SLX9: variants seen among roughly 807,000 people sequenced by gnomAD.
SLX9 encodes SLX9 ribosome biogenesis factor.
Under a neutral mutation model 20.8 loss-of-function variants are expected in SLX9, and 19 were observed. The observed-to-expected ratio is 0.91, with a 90% CI of 0.64 to 1.34. The LOEUF is 1.34. Among genes scored for constraint, SLX9 ranks in the 40% most tolerant of loss-of-function variants. The pLI is 0.00. For synonymous variants in SLX9, 113 were observed against 137.1 expected (o/e 0.82, Z 1.23); for missense variants, 299 against 322.2 (o/e 0.93, Z 0.55).
At chr21:44,967,385 T>G (rs909796678) in intron 4 of SLX9, among the ~76,000 whole-genome samples, 4 of 152,160 alleles carry the variant, frequency 2.6e-5, no homozygotes, top group African/African-American at 9.7e-5. Flanking sequence ...GGGGGACGTT[T>G]CGGGGGCACC....
At chr21:44,947,361 A>G (rs911598399) in intron 2 of SLX9, among the ~76,000 whole-genome samples, 3 of 152,186 alleles carry the variant, frequency 2.0e-5, no homozygotes, top group Non-Finnish European at 4.4e-5. Flanking sequence ...TGCCTGAGTC[A>G]GGAATAGCAC....
upstream of SLX9, chr21:44,939,924 C>T: frequency 1.0e-6 from 1 of 962,978 alleles, no homozygotes; most frequent in Non-Finnish European, 1.4e-6. Context: ...CCTGCGCCCG[C>T]CCGAGCCGCT....
chr21:44,959,171 C>CA, intron 2 of SLX9: 1 of 980,860 alleles, frequency 1.0e-6, no homozygotes, highest in African/African-American at 1.7e-5. Context: ...ATGCAGAGCG[C>CA]AGCGACTGCC....
chr21:44,940,647 T>C (rs1414669824), intron 1 of SLX9, among the ~76,000 whole-genome samples: 5 of 151,088 alleles, frequency 3.3e-5, no homozygotes, highest in Non-Finnish European at 5.9e-5. Flanking sequence ...AGACACTGCA[T>C]GTGAGTGGAA....
chr21:44,973,329 C>T (rs1046296813), intron 5 of SLX9, 64 bp downstream of exon 5: 19 of 1,545,188 alleles, frequency 1.2e-5, no homozygotes, highest in Non-Finnish European at 1.3e-5. Flanking sequence ...TGCCCACCCT[C>T]TCCAGGGGTT....
intron 4 of SLX9, chr21:44,969,066 T>TA (rs1335135682): frequency 9.1e-6 from 4 of 440,332 alleles, no homozygotes; most frequent in Non-Finnish European, 1.5e-5. Context: ...TTTTGCTGTT[T>TA]AAAAAATAAT....
intron 2 of SLX9, among the ~76,000 whole-genome samples, chr21:44,944,410 C>T (rs543857406): frequency 5.9e-5 from 9 of 152,086 alleles, no homozygotes; most frequent in Non-Finnish European, 1.3e-4. Context: ...CTCCAGTGTC[C>T]GGAGCTTAGC....
intron 3 of SLX9, among the ~76,000 whole-genome samples, chr21:44,962,850 C>T (rs2084968615): frequency 6.6e-6 from 1 of 152,124 alleles, no homozygotes; most frequent in South Asian, 2.1e-4. Flanking sequence ...TCAGCCTCGG[C>T]CGTCTGGTAA....
chr21:44,968,239 C>G (rs1316104160), intron 4 of SLX9, among the ~76,000 whole-genome samples: 1 of 151,814 alleles, frequency 6.6e-6, no homozygotes, highest in Non-Finnish European at 1.5e-5. Flanking sequence ...AACCCTGCCA[C>G]CCGGTGACGC....
At position 44,967,028 on chromosome 21, in the gene SLX9, C is replaced by G. The variant is rs201080250; in HGVS notation, c.353-6C>G. The G allele has an allele frequency of 6.2e-7, 1 of 1,607,264 alleles. No individual in the cohort carries two copies. Among genetic ancestry groups the G allele is most frequent in the East Asian group, 2.2e-5 (1 of 44,744 alleles). ...TTTGCCTCTAACGTCGTTTCTCCTT[C>G]CTTAGAAATCGAAGCCATAAAACTG... On this transcript the variant is annotated splice_polypyrimidine_tract_variant and splice_region_variant and intron_variant, in intron 3 of 5. Transcript: ENST00000291634.
intron 2 of SLX9, among the ~76,000 whole-genome samples, chr21:44,948,600 C>T (rs753883399): frequency 6.6e-6 from 1 of 152,132 alleles, no homozygotes; most frequent in South Asian, 2.1e-4. Flanking sequence ...GCTGGGGGCC[C>T]CTGGAGCAGA....
intron 4 of SLX9, chr21:44,972,990 G>A: frequency 1.5e-6 from 1 of 649,230 alleles, no homozygotes; most frequent in Non-Finnish European, 2.7e-6. Flanking sequence ...GTCCGGGGCG[G>A]TCACAGGACG....
At chr21:44,965,391 C>T (rs1307277246) in intron 3 of SLX9, among the ~76,000 whole-genome samples, 6 of 152,076 alleles carry the variant, frequency 3.9e-5, no homozygotes, top group African/African-American at 7.2e-5. Context: ...TTGAGTGGGC[C>T]GGGTGGGATT....
chr21:44,945,862 C>A (rs1260762845), intron 2 of SLX9, among the ~76,000 whole-genome samples: 1 of 152,360 alleles, frequency 6.6e-6, no homozygotes, highest in African/African-American at 2.4e-5. Flanking sequence ...ACAACAGGCA[C>A]ATGCCACCAC....
rs147144430 is a variant in SLX9, at chr21:44,950,584, A to G, written c.283+6747A>G. Among the ~76,000 whole-genome samples, 55 of 152,328 alleles carry G rather than the reference A, an allele frequency of 3.6e-4. No homozygotes were observed. The East Asian group carries it at 9.5e-3, about 26-fold the overall frequency. ...TAAGCCAGGCATCCTTGTGAGCCACATGTTGTTGAGACGCTAGACCAGGGG... is the reference window on the plus strand; with the variant it reads ...TAAGCCAGGCATCCTTGTGAGCCACGTGTTGTTGAGACGCTAGACCAGGGG... On this transcript the variant is annotated intron_variant, in intron 2 of 5. Coordinates refer to ENST00000291634, the MANE Select transcript of SLX9 (RefSeq NM_058190.4).
chr21:44,960,933 T>A (rs2084940612), intron 3 of SLX9, among the ~76,000 whole-genome samples: 1 of 152,260 alleles, frequency 6.6e-6, no homozygotes, highest in South Asian at 2.1e-4. Context: ...ATTTGGAATA[T>A]TTTCTTTTTT....
chr21:44,952,094 A>ACAG (rs2084768920), intron 2 of SLX9, among the ~76,000 whole-genome samples: 1 of 148,312 alleles, frequency 6.7e-6, no homozygotes, highest in Admixed American at 6.6e-5. Context: ...GTTTAAACAC[A>ACAG]CAGCAGCAGC....
chr21:44,972,144 A>C (rs970090832), intron 4 of SLX9, among the ~76,000 whole-genome samples: 8 of 151,808 alleles, frequency 5.3e-5, no homozygotes, highest in Non-Finnish European at 7.4e-5. Flanking sequence ...TGGTCTGAGG[A>C]CTCTGCGTCT....
intron 2 of SLX9, among the ~76,000 whole-genome samples, chr21:44,952,531 G>C (rs1346172191): frequency 6.6e-6 from 1 of 152,214 alleles, no homozygotes. Flanking sequence ...TCTGGCCCCA[G>C]CTGCTTCAGG....
Sources: gnomAD v4.1 joint callset for allele counts (sites outside exome capture counted in the v4.1 genomes callset) on GRCh38, gnomAD v4.1.1 for gene constraint, MANE v1.5 for transcripts, NCBI Gene and HGNC (gene_info 2026-07-23, HGNC 2026-07-21) for gene names.